DPF3: variants seen among roughly 807,000 people sequenced by gnomAD.
The protein encoded by DPF3 is double PHD fingers 3, also known as zinc finger protein DPF3.
Under a neutral mutation model 56.8 loss-of-function variants are expected in DPF3, and 18 were observed. The ratio of observed to expected loss-of-function variants is 0.32; its 90% CI spans 0.22 to 0.47. The LOEUF is 0.47. Among genes scored for constraint, DPF3 ranks in the 20% least tolerant of loss-of-function variants. The probability of loss-of-function intolerance (pLI) is 1.00; values close to 1 mark genes in which losing one functional copy is unlikely to be tolerated. For synonymous variants in DPF3, 188 were observed against 180.2 expected, an observed-to-expected ratio of 1.04 and a Z score of -0.35; for missense variants, 403 against 488.8, an observed-to-expected ratio of 0.82 and a Z score of 1.65.
At chr14:72,637,851 C>T (rs2153567572) in intron 8 of DPF3, among the ~76,000 whole-genome samples, 1 of 151,470 alleles carries the variant, frequency 6.6e-6, no homozygotes, top group Middle Eastern at 3.4e-3. Context: ...GTAAGTCCTT[C>T]TAGAATTCAT....
At chr14:72,666,729 G>A (rs1331234239) in intron 8 of DPF3, among the ~76,000 whole-genome samples, 1 of 152,156 alleles carries the variant, frequency 6.6e-6, no homozygotes, top group Non-Finnish European at 1.5e-5. Flanking sequence ...AGGGAGCTGA[G>A]CCCAGAGCCC....
chr14:72,846,997 T>G (rs1480204053), intron 1 of DPF3, among the ~76,000 whole-genome samples: 2 of 152,226 alleles, frequency 1.3e-5, no homozygotes, highest in Non-Finnish European at 2.9e-5. Context: ...TTCATTAACA[T>G]GTTTATCTTC....
At chr14:72,651,424 A>G (rs1885904497) in intron 8 of DPF3, among the ~76,000 whole-genome samples, 1 of 152,194 alleles carries the variant, frequency 6.6e-6, no homozygotes, top group Non-Finnish European at 1.5e-5. Context: ...GCCTCTTAGG[A>G]GGGAGAAGTT....
chr14:72,852,772 GT>G (rs1283281480), intron 1 of DPF3, among the ~76,000 whole-genome samples: 1 of 152,160 alleles, frequency 6.6e-6, no homozygotes, highest in Admixed American at 6.5e-5. Flanking sequence ...TACATGGAAT[GT>G]TTTTAGCCTG....
Position 72,610,304 on chromosome 14 carries a change from G to A in DPF3, c.*8993C>T, listed in dbSNP as rs976006870. On this transcript the variant is annotated 3_prime_UTR_variant, in exon 11 of 11. Coordinates refer to ENST00000556509, the MANE Select transcript of DPF3 (RefSeq NM_001280542.3). ...CCTGTGCAGGCCTGAGCTTCCTCGT[G>A]GAGCAGCAGGTAGGCAGCTCATTCC... 6.6e-6 allele frequency among the ~76,000 whole-genome samples: 1 copy of A among 152,166 alleles called. No homozygotes were observed. Among genetic ancestry groups the A allele is most frequent in the Non-Finnish European group, 1.5e-5 (1 of 68,020 alleles).
At chr14:72,774,262 T>TAAAAA (rs777564213) in intron 1 of DPF3, among the ~76,000 whole-genome samples, 9 of 61,006 alleles carry the variant, frequency 1.5e-4, no homozygotes, top group East Asian at 5.7e-4. Flanking sequence ...AGACTCTGTC[T>TAAAAA]AAAAAAAAAA....
intron 7 of DPF3, among the ~76,000 whole-genome samples, chr14:72,683,998 T>C (rs1887289201): frequency 6.6e-6 from 1 of 152,162 alleles, no homozygotes; most frequent in South Asian, 2.1e-4. Flanking sequence ...TCAAACGTGA[T>C]GAAAGTGTTG....
At chr14:72,691,235 C>T (rs1268538635) in intron 7 of DPF3, among the ~76,000 whole-genome samples, 2 of 152,130 alleles carry the variant, frequency 1.3e-5, no homozygotes, top group Non-Finnish European at 2.9e-5. Flanking sequence ...TGGAAGTGAG[C>T]AAAAATTCAA....
intron 8 of DPF3, among the ~76,000 whole-genome samples, chr14:72,646,855 C>T (rs1475826241): frequency 2.0e-5 from 3 of 152,206 alleles, no homozygotes; most frequent in Non-Finnish European, 4.4e-5. Flanking sequence ...ATGTTTTAAA[C>T]ATGCAGATTC....
intron 1 of DPF3, among the ~76,000 whole-genome samples, chr14:72,847,023 A>G (rs369410403): frequency 2.0e-5 from 3 of 152,160 alleles, no homozygotes; most frequent in African/African-American, 7.2e-5. Context: ...CATATTTCTC[A>G]GTGATAAGAA....
intron 1 of DPF3, among the ~76,000 whole-genome samples, chr14:72,829,549 T>G (rs1883962982): frequency 6.6e-6 from 1 of 151,686 alleles, no homozygotes; most frequent in African/African-American, 2.4e-5. Flanking sequence ...CACGCCCAGC[T>G]AATTTTTTGT....
chr14:72,736,086 G>A (rs531276562), intron 3 of DPF3, among the ~76,000 whole-genome samples: 7 of 152,196 alleles, frequency 4.6e-5, no homozygotes, highest in East Asian at 1.9e-4. Context: ...ATGTAATACC[G>A]GCCACTTATG....
intron 3 of DPF3, among the ~76,000 whole-genome samples, chr14:72,749,147 A>C (rs541984361): frequency 3.9e-5 from 6 of 152,340 alleles, no homozygotes; most frequent in African/African-American, 1.2e-4. Flanking sequence ...GAAAGGCTAT[A>C]CTCTGCAAAG....
At chr14:72,850,033 C>A (rs570368964) in intron 1 of DPF3, among the ~76,000 whole-genome samples, 3 of 152,016 alleles carry the variant, frequency 2.0e-5, no homozygotes, top group East Asian at 1.9e-4. Flanking sequence ...GCTGAAGAAT[C>A]GCTTGAACCC....
At position 72,774,912 on chromosome 14, in the gene DPF3, T is replaced by C. The variant is rs1680118242; in HGVS notation, c.33-3019A>G. 2.6e-5 allele frequency among the ~76,000 whole-genome samples: 4 copies of C among 152,194 alleles called. No individual in the cohort carries two copies. In the South Asian group the frequency reaches 6.2e-4, roughly 24 times the overall value. ...AAAGAACCACTTTTTACAAAGTGTT[T>C]GTGTCACACCAGCTTAAATGCTTCC... On this transcript the variant is annotated intron_variant, in intron 1 of 10. Transcript: ENST00000556509.
chr14:72,778,340 G>A lies in DPF3; in HGVS notation c.33-6447C>T, dbSNP rs151163912. Among the ~76,000 whole-genome samples the A allele has an allele frequency of 4.2e-3, 640 of 152,196 alleles. 8 individuals are homozygous for A. Among genetic ancestry groups the A allele is most frequent in the African/African-American group, 0.014 (583 of 41,516 alleles). On this transcript the variant is annotated intron_variant, in intron 1 of 10. Transcript: ENST00000556509. Reference sequence around the variant, plus strand: ...GGCAGCACTAGAGTCTCATAGAAGCGCAAACCCTACTGTGAACTGCACATA... The same window carrying A: ...GGCAGCACTAGAGTCTCATAGAAGCACAAACCCTACTGTGAACTGCACATA...
chr14:72,707,774 A>G (rs1599373582), intron 6 of DPF3, among the ~76,000 whole-genome samples: 1 of 151,042 alleles, frequency 6.6e-6, no homozygotes, highest in Non-Finnish European at 1.5e-5. Flanking sequence ...ATTATCTCCA[A>G]GGAGTGAGAT....
rs117232842 is a variant in DPF3 at position 72,744,632 on chromosome 14, C to A, written c.301+8632G>T. ...TCAAGATTCTTGAACGTGCACCCCC[C>A]ACTCTTTGCCCTGACCTGGTTTCCT... is the stretch of plus-strand genomic sequence containing the variant. On this transcript the variant is annotated intron_variant, in intron 3 of 10. Transcript: ENST00000556509. Among the ~76,000 whole-genome samples the A allele has an allele frequency of 2.6e-3, 397 of 152,188 alleles. 10 individuals carry two copies. The East Asian group carries it at 0.065, about 25-fold the overall frequency.
intron 7 of DPF3, among the ~76,000 whole-genome samples, chr14:72,678,049 T>C (rs150681817): frequency 6.6e-6 from 1 of 152,248 alleles, no homozygotes; most frequent in African/African-American, 2.4e-5. Flanking sequence ...GGATGCTTTA[T>C]ATATGTTATT....
Sources: gnomAD v4.1 joint callset for allele counts (sites outside exome capture counted in the v4.1 genomes callset) on GRCh38, gnomAD v4.1.1 for gene constraint, MANE v1.5 for transcripts, NCBI Gene and HGNC (gene_info 2026-07-23, HGNC 2026-07-21) for gene names.